The following PRKACA variants were observed in gnomAD, a reference collection of about 807,000 sequenced individuals.
PRKACA encodes protein kinase cAMP-activated catalytic subunit alpha.
PRKACA carries 9 observed loss-of-function variants against 45.8 expected under a neutral mutation model. The ratio of observed to expected loss-of-function variants is 0.20; its 90% CI spans 0.12 to 0.34. The LOEUF (loss-of-function observed/expected upper bound fraction) is 0.34, where lower values mean the gene tolerates loss of function less well. Among genes scored for constraint, PRKACA ranks in the 10% least tolerant of loss-of-function variants. PRKACA has a pLI of 1.00. For missense variants in PRKACA, 238 were observed against 458.6 expected (o/e 0.52, Z 4.39); for synonymous variants, 160 against 178.6 (o/e 0.90, Z 0.83).
intron 5 of PRKACA, 165 bp from the exon 6 acceptor site, chr19:14,098,055 T>A (rs564227064): frequency 2.5e-6 from 2 of 793,936 alleles, no homozygotes; most frequent in South Asian, 3.6e-5. Flanking sequence ...AGCCTGTGGG[T>A]CCATCCACAG....
intron 1 of PRKACA, among the ~76,000 whole-genome samples, chr19:14,109,997 T>TATACACACACACACACAC (rs1966919479): frequency 1.4e-5 from 1 of 71,742 alleles, no homozygotes; most frequent in African/African-American, 7.6e-5. Flanking sequence ...TATATATATA[T>TATACACACACACACACAC]ATACACACAC....
chr19:14,106,253 C>T (rs1439769685), intron 3 of PRKACA, among the ~76,000 whole-genome samples: 1 of 152,150 alleles, frequency 6.6e-6, no homozygotes, highest in Non-Finnish European at 1.5e-5. Flanking sequence ...GTAGTCCCAG[C>T]TACTCAGGAG....
intron 1 of PRKACA, chr19:14,112,493 C>T (rs1966993786): frequency 6.6e-6 from 1 of 151,990 alleles, no homozygotes; most frequent in African/African-American, 2.4e-5. Flanking sequence ...CCCCCTTGGG[C>T]TCTCCCTGGA....
intron 1 of PRKACA, among the ~76,000 whole-genome samples, chr19:14,112,003 G>A (rs1229441753): frequency 6.6e-6 from 1 of 152,182 alleles, no homozygotes; most frequent in Non-Finnish European, 1.5e-5. Flanking sequence ...GCTGTCCGCT[G>A]GTGCCCCACA....
Position 14,097,162 on chromosome 19 carries a change from C to T in PRKACA, c.765+199G>A. 1.3e-6 allele frequency: 1 copy of T among 746,654 alleles called. No homozygotes were observed. Among genetic ancestry groups the T allele is most frequent in the Non-Finnish European group, 2.1e-6 (1 of 468,754 alleles). 46.3% of individuals were successfully genotyped at this position (746,654 alleles called of 1,614,324 possible). On this transcript the variant is annotated intron_variant, in intron 8 of 9. Coordinates refer to ENST00000308677, the MANE Select transcript of PRKACA (RefSeq NM_002730.4). The surrounding 1 kb of genome is among the most constrained non-coding windows in gnomAD (Gnocchi z 5.4). ...TTTGGAAGCCCATGGGATTCTGGAA[C>T]CGCGGGGTTGGGGCTGGACAGCAAG...
intron 5 of PRKACA, among the ~76,000 whole-genome samples, chr19:14,099,723 C>A (rs1312908812): frequency 6.6e-6 from 1 of 151,504 alleles, no homozygotes; most frequent in Non-Finnish European, 1.5e-5. Context: ...AGCCACAGTA[C>A]CCAGCCTGTA....
chr19:14,106,566 A>C (rs1039073935), intron 3 of PRKACA, among the ~76,000 whole-genome samples, 194 bp downstream of exon 3: 1 of 152,180 alleles, frequency 6.6e-6, no homozygotes, highest in Non-Finnish European at 1.5e-5. Flanking sequence ...AGGCAGGAGA[A>C]TCGCTTGAAC....
In PRKACA at chr19:14,092,669, G is replaced by A. The variant is rs1477442660; in HGVS notation, c.*443C>T. 2 of 302,784 alleles carry A rather than the reference G, an allele frequency of 6.6e-6. No homozygotes were observed. The highest frequency in any genetic ancestry group is 8.5e-4 in the Middle Eastern group (1 of 1,176). 18.8% of individuals were successfully genotyped at this position (302,784 alleles called of 1,614,324 possible). A position where few individuals can be genotyped will look rare whatever the true frequency, so the allele number is the denominator to read the frequency against. On this transcript the variant is annotated 3_prime_UTR_variant, in exon 10 of 10. Transcript: ENST00000308677. ...ACTCCGAAAGGAAGGTTGGCGCTTC[G>A]TTCATTTGCCCTTAGCAAGTGGGGC... is the stretch of plus-strand genomic sequence containing the variant.
At chr19:14,105,589 T>C (rs961946850) in intron 3 of PRKACA, among the ~76,000 whole-genome samples, 7 of 152,126 alleles carry the variant, frequency 4.6e-5, no homozygotes, top group Non-Finnish European at 8.8e-5. Context: ...TTTCTTTCAT[T>C]TTCTCTTTTA....
chr19:14,106,730 C>A (rs1977617970), intron 3 of PRKACA, 30 bp downstream of exon 3: 1 of 1,613,396 alleles, frequency 6.2e-7, no homozygotes, highest in Non-Finnish European at 8.5e-7. Context: ...GCCTGACAGG[C>A]AGGCCCTGAG....
rs1489244554 is a variant in PRKACA at position 14,117,620 on chromosome 19, A to G, written c.-73T>C. 6.6e-6 allele frequency: 6 copies of G among 905,246 alleles called. No homozygotes were observed. The African/African-American group carries it at 9.1e-5, about 14-fold the overall frequency. The allele number at this position is 905,246 out of a possible 1,614,324, so 56.1% of individuals were successfully genotyped here. ...TGCTGGCTGCGGCCGGCGGCCCCGG[A>G]GCGCGCTGGGCGGCGGCGGCGGCGG... On this transcript the variant is annotated 5_prime_UTR_variant, in exon 1 of 10. Coordinates refer to ENST00000308677, the MANE Select transcript of PRKACA (RefSeq NM_002730.4).
intron 1 of PRKACA, among the ~76,000 whole-genome samples, chr19:14,110,886 C>A (rs1966946062): frequency 6.6e-6 from 1 of 152,216 alleles, no homozygotes; most frequent in Admixed American, 6.5e-5. Flanking sequence ...AGTGCTGAGT[C>A]CAGTGCACCA....
intron 5 of PRKACA, 117 bp downstream of exon 5, chr19:14,100,709 G>A: frequency 7.2e-6 from 7 of 975,170 alleles, no homozygotes; most frequent in Non-Finnish European, 1.1e-5. Flanking sequence ...CAGGGTCTGG[G>A]AGACCACCTG....
At position 14,106,700 on chromosome 19, in the gene PRKACA, T is replaced by G. The variant is rs539836739; in HGVS notation, c.237+60A>C. The G allele has an allele frequency of 9.1e-5, 147 of 1,607,248 alleles. No individual in the cohort carries two copies. In the African/African-American group the frequency reaches 1.8e-3, roughly 20 times the overall value. ...CGGGTGGATAGGGCACTCTAAGGAG[T>G]GGGCACAGTCCAGGCAAAGGCCTGA... On this transcript the variant is annotated intron_variant, in intron 3 of 9. Transcript: ENST00000308677.
chr19:14,115,002 G>GC (rs1291653395), intron 1 of PRKACA, among the ~76,000 whole-genome samples: 2 of 152,064 alleles, frequency 1.3e-5, no homozygotes, highest in East Asian at 3.9e-4. Context: ...CCCTGCCCCT[G>GC]CCCCACCCTT....
In PRKACA at chr19:14,097,477, T is replaced by G. The variant is rs750769824; in HGVS notation, c.649A>C (p.Asn217His). 1 of 1,613,972 alleles carries G rather than the reference T, an allele frequency of 6.2e-7. No homozygotes were observed. Among genetic ancestry groups the G allele is most frequent in the Non-Finnish European group, 8.5e-7 (1 of 1,179,988 alleles). ...AGGGCCCACCAGTCCACGGCCTTGT[T>G]GTAGCCCTGGAGCAAGATGGGGGGG... ...APEIILSKGY[N>H]KAVDWWALGV... Residue 217 changes from asparagine (N) to histidine (H), a missense_variant, in exon 8 of 10, where the codon AAC (asparagine) becomes CAC (histidine). By Grantham distance (68) the Asn-to-His change is moderately conservative. Around this residue, in one of 3 missense-constraint regions of PRKACA, gnomAD observed 94 missense variants for 240.9 expected, o/e 0.39. Transcript: ENST00000308677. This position sits in a 1 kb window ranked among gnomAD's most constrained non-coding sequence, Gnocchi z 5.4.
rs369290991 is a variant in PRKACA, at chr19:14,107,337, G to A, written c.108+11C>T. 10 of 1,613,178 alleles carry A rather than the reference G, an allele frequency of 6.2e-6. No homozygotes were observed. Among genetic ancestry groups the A allele is most frequent in the South Asian group, 1.1e-5 (1 of 91,060 alleles). ...TCACCCCTCCCTGGGCTCTGCACCCGGCAGCCTTACCTGAGCGGGACTTTC... is the reference window on the plus strand; with the variant it reads ...TCACCCCTCCCTGGGCTCTGCACCCAGCAGCCTTACCTGAGCGGGACTTTC... On this transcript the variant is annotated intron_variant, in intron 2 of 9. Coordinates refer to ENST00000308677, the MANE Select transcript of PRKACA (RefSeq NM_002730.4).
At chr19:14,095,841 A>G (rs547533584) in intron 8 of PRKACA, among the ~76,000 whole-genome samples, 1 of 151,492 alleles carries the variant, frequency 6.6e-6, no homozygotes, top group Admixed American at 6.6e-5. Flanking sequence ...TAGTGATGCT[A>G]TGTGTCCAGC....
chr19:14,113,662 G>C (rs1967034499), intron 1 of PRKACA, among the ~76,000 whole-genome samples: 1 of 152,184 alleles, frequency 6.6e-6, no homozygotes, highest in African/African-American at 2.4e-5. Context: ...GCTGTCCTGG[G>C]AATTCTGGGG....
Sources: gnomAD v4.1 joint callset for allele counts (sites outside exome capture counted in the v4.1 genomes callset) on GRCh38, gnomAD v4.1.1 for gene constraint, gnomAD v4.1.1 regional missense constraint, Gnocchi (gnomAD v3.1) non-coding constraint, MANE v1.5 for transcripts, NCBI Gene and HGNC (gene_info 2026-07-23, HGNC 2026-07-21) for gene names.